SCCPDH: variants seen among roughly 807,000 people sequenced by gnomAD.
The protein encoded by SCCPDH is saccharopine dehydrogenase-like oxidoreductase.
A neutral mutation model predicts 51.5 loss-of-function variants in SCCPDH; 34 were observed. The ratio of observed to expected loss-of-function variants is 0.66; its 90% CI spans 0.50 to 0.88. The LOEUF (loss-of-function observed/expected upper bound fraction) is 0.88, where lower values mean the gene tolerates loss of function less well. Ranked by LOEUF, SCCPDH falls within the 40% of genes least tolerant of loss-of-function variation. The pLI is 0.00. For missense variants in SCCPDH, 464 were observed against 527.1 expected, an observed-to-expected ratio of 0.88 and a Z score of 1.17; for synonymous variants, 187 against 191.3, an observed-to-expected ratio of 0.98 and a Z score of 0.19.
chr1:246,762,718 G>C (rs1416721131), intron 9 of SCCPDH, among the ~76,000 whole-genome samples: 1 of 151,874 alleles, frequency 6.6e-6, no homozygotes, highest in African/African-American at 2.4e-5. Context: ...GTGCACGCCT[G>C]TAGTCCCAGC....
chr1:246,765,791 CCT>C (rs557198438), intron 10 of SCCPDH, among the ~76,000 whole-genome samples: 2 of 152,148 alleles, frequency 1.3e-5, no homozygotes, highest in East Asian at 3.9e-4. Flanking sequence ...AGTCACTTAA[CCT>C]CTCTCTCTAT....
At chr1:246,764,222 C>T (rs746126213) in intron 9 of SCCPDH, 24 bp from the exon 10 acceptor site, 60 of 1,441,452 alleles carry the variant, frequency 4.2e-5, no homozygotes, top group Middle Eastern at 1.7e-4. Context: ...TTATGAAATG[C>T]GCCCTTTGCC....
chr1:246,729,992 T>C (rs1668468454), intron 2 of SCCPDH, among the ~76,000 whole-genome samples: 1 of 152,172 alleles, frequency 6.6e-6, no homozygotes, highest in African/African-American at 2.4e-5. Context: ...TTCTCCTCTT[T>C]ACTGGATTAT....
Position 246,767,383 on chromosome 1 carries a change from G to C in SCCPDH, c.*83G>C, listed in dbSNP as rs1027149460. 1 of 730,510 alleles carries C rather than the reference G, an allele frequency of 1.4e-6. No individual in the cohort carries two copies. 45.3% of individuals were successfully genotyped at this position (730,510 alleles called of 1,614,324 possible). A position where few individuals can be genotyped will look rare whatever the true frequency, so the allele number is the denominator to read the frequency against. On this transcript the variant is annotated 3_prime_UTR_variant, in exon 12 of 12. Coordinates refer to ENST00000366510, the MANE Select transcript of SCCPDH (RefSeq NM_016002.3). ...ATATTTGAAATTCTTCTGTAAGCCT[G>C]TCTGAGTGTATGTGGAAACGATTGT...
intron 4 of SCCPDH, among the ~76,000 whole-genome samples, chr1:246,742,060 G>A (rs895493324): frequency 2.0e-5 from 3 of 152,166 alleles, no homozygotes; most frequent in African/African-American, 7.2e-5. Context: ...TGGAGACTCC[G>A]TCTCAAATGA....
At chr1:246,749,551 G>T (rs1668820465) in intron 5 of SCCPDH, among the ~76,000 whole-genome samples, 1 of 152,180 alleles carries the variant, frequency 6.6e-6, no homozygotes, top group Non-Finnish European at 1.5e-5. Flanking sequence ...GGGAGCAGCA[G>T]TCGTCATCTG....
chr1:246,761,671 T>A (rs978335564), intron 9 of SCCPDH, among the ~76,000 whole-genome samples: 1 of 152,256 alleles, frequency 6.6e-6, no homozygotes, highest in Non-Finnish European at 1.5e-5. Flanking sequence ...GTGACTGGCT[T>A]ATTTCACCTA....
intron 9 of SCCPDH, among the ~76,000 whole-genome samples, chr1:246,761,645 CAGTCTT>C (rs1319623222): frequency 6.6e-6 from 1 of 152,236 alleles, no homozygotes; most frequent in Non-Finnish European, 1.5e-5. Context: ...TAAATGGAAT[CAGTCTT>C]TGTCTTTTTG....
intron 2 of SCCPDH, among the ~76,000 whole-genome samples, chr1:246,733,397 A>G (rs1411410467): frequency 6.6e-6 from 1 of 151,458 alleles, no homozygotes; most frequent in Admixed American, 6.6e-5. Flanking sequence ...ATGTGTTTAT[A>G]TATATATGCC....
intron 2 of SCCPDH, 118 bp from the exon 3 acceptor site, chr1:246,735,857 T>C: frequency 1.5e-6 from 1 of 660,242 alleles, no homozygotes; most frequent in Non-Finnish European, 2.6e-6. Context: ...CTTTAGGCTA[T>C]TTTATTAACA....
chr1:246,739,261 G>A (rs1668643457), intron 3 of SCCPDH, among the ~76,000 whole-genome samples: 1 of 152,152 alleles, frequency 6.6e-6, no homozygotes, highest in African/African-American at 2.4e-5. Flanking sequence ...TGTTGACAGT[G>A]CGTAGCCCCG....
At chr1:246,754,602 C>T (rs1348322061) in intron 5 of SCCPDH, among the ~76,000 whole-genome samples, 1 of 152,204 alleles carries the variant, frequency 6.6e-6, no homozygotes, top group African/African-American at 2.4e-5. Context: ...CTCCAGCAGT[C>T]GAGCTCCGCG....
At position 246,740,071 on chromosome 1, in the gene SCCPDH, A is replaced by G. The variant is rs148122115; in HGVS notation, c.385-101A>G. On this transcript the variant is annotated intron_variant, in intron 3 of 11. Transcript: ENST00000366510. ...TTGCTGCAGAGCCACACTGCTTAGC[A>G]TTTTCAAAGTTTGGTTGCTTTGTTT... 3.2e-6 allele frequency: 3 copies of G among 933,006 alleles called. No individual in the cohort carries two copies. The East Asian group carries it at 7.7e-5, about 24-fold the overall frequency. 57.8% of individuals were successfully genotyped at this position (933,006 alleles called of 1,614,324 possible).
intron 3 of SCCPDH, among the ~76,000 whole-genome samples, chr1:246,739,474 C>T (rs182816055): frequency 8.9e-4 from 136 of 152,110 alleles, no homozygotes; most frequent in African/African-American, 3.1e-3. Flanking sequence ...CCGAAGGAGA[C>T]GTAACAACCG....
At chr1:246,759,192 C>T (rs1273948055) in intron 7 of SCCPDH, 41 bp downstream of exon 7, 1 of 1,068,482 alleles carries the variant, frequency 9.4e-7, no homozygotes, top group Non-Finnish European at 1.5e-6. Context: ...GTGTGTGTTA[C>T]AGTTCCTCTT....
At chr1:246,746,065 A>G (rs572957036) in intron 5 of SCCPDH, among the ~76,000 whole-genome samples, 9 of 138,576 alleles carry the variant, frequency 6.5e-5, no homozygotes, top group Admixed American at 1.6e-4. Context: ...CCAAGATCGC[A>G]CCGCTGCACT....
rs377707122 is a variant in SCCPDH at position 246,724,551 on chromosome 1, C to T, written c.129C>T (p.Ala43=). The T allele has an allele frequency of 6.7e-4, 1,035 of 1,542,266 alleles. No homozygotes were observed. Among genetic ancestry groups the T allele is most frequent in the Non-Finnish European group, 8.3e-4 (954 of 1,146,944 alleles). Residue 43 remains alanine (A), a synonymous_variant, in exon 1 of 12, where the codon GCC becomes GCT. Transcript: ENST00000366510. ...AGCGGAGCTCCCGCCTGCCCTGGGC[C>T]GTGGCGGGCCGCTCCCGGGAGAAGC... ...DPERSSRLPW[A]VAGRSREKLQ...
intron 5 of SCCPDH, among the ~76,000 whole-genome samples, chr1:246,755,216 A>C (rs944891616): frequency 2.0e-5 from 3 of 152,348 alleles, no homozygotes; most frequent in East Asian, 3.9e-4. Flanking sequence ...AATTTTCTTC[A>C]AATTTGTTTA....
At chr1:246,763,803 G>T (rs916161372) in intron 9 of SCCPDH, among the ~76,000 whole-genome samples, 1 of 152,136 alleles carries the variant, frequency 6.6e-6, no homozygotes. Context: ...TTTAGTGATT[G>T]TGAAAGATGC....
Sources: allele counts gnomAD v4.1 joint callset (sites outside exome capture counted in the v4.1 genomes callset), GRCh38; gene constraint gnomAD v4.1.1; transcripts MANE v1.5; gene names NCBI Gene and HGNC (gene_info 2026-07-23, HGNC 2026-07-21).